ERI2: variants seen among roughly 807,000 people sequenced by gnomAD.
ERI2 encodes ERI1 exoribonuclease 2.
In ERI2, 35 loss-of-function variants were observed where a neutral mutation model predicts 46.8. The observed-to-expected ratio is 0.75, with a 90% CI of 0.57 to 0.99. ERI2 has a LOEUF of 0.99. Ranked by LOEUF, ERI2 falls within the 50% of genes least tolerant of loss-of-function variation. ERI2 has a pLI of 0.00. For missense variants in ERI2, 695 were observed against 796.2 expected, an observed-to-expected ratio of 0.87 and a Z score of 1.53; for synonymous variants, 224 against 271.0, an observed-to-expected ratio of 0.83 and a Z score of 1.70.
chr16:20,801,395 C>A, intron 4 of ERI2, 36 bp from the exon 5 acceptor site: 2 of 1,543,856 alleles, frequency 1.3e-6, no homozygotes, highest in Non-Finnish European at 8.7e-7. Context: ...ATTCAACAAT[C>A]AAATTCCATT....
At position 20,803,500 on chromosome 16, in the gene ERI2, G is replaced by A. The variant is rs772859303; in HGVS notation, c.108C>T (p.Tyr36=). The A allele has an allele frequency of 6.2e-7, 1 of 1,613,924 alleles. No homozygotes were observed. The highest frequency in any genetic ancestry group is 1.7e-5 in the Admixed American group (1 of 60,004). The change falls in exon 3 of 9, where the codon TAC becomes TAT. Residue 36 remains tyrosine (Y), a synonymous_variant. Coordinates refer to ENST00000357967, the MANE Select transcript of ERI2 (RefSeq NM_001142725.2). ...TCGATTCAAAATCAATGACAATTAA[G>A]TAGTCAAACAACTGCTCTGCAAAAG... ...GRSKSKQLFD[Y]LIVIDFESTC... is the part of the protein sequence containing the mutation.
downstream of ERI2, chr16:20,792,026 A>G: frequency 1.9e-6 from 3 of 1,614,072 alleles, no homozygotes; most frequent in Non-Finnish European, 2.5e-6. Flanking sequence ...AACAGCTTCA[A>G]CTCTACGAGG....
At chr16:20,787,845 T>C (rs977529786) in intron 10 of ERI2, among the ~76,000 whole-genome samples, 3 of 152,228 alleles carry the variant, frequency 2.0e-5, no homozygotes, top group Non-Finnish European at 4.4e-5. Flanking sequence ...GACCAACCTG[T>C]CTGTTTGCCT....
chr16:20,794,740 AT>A (rs2080683039), downstream of ERI2, among the ~76,000 whole-genome samples: 1 of 152,218 alleles, frequency 6.6e-6, no homozygotes. Context: ...AATTCATTTA[AT>A]CATCATAATC....
chr16:20,787,826 G>C (rs1376700918), intron 10 of ERI2, among the ~76,000 whole-genome samples: 1 of 152,160 alleles, frequency 6.6e-6, no homozygotes, highest in Non-Finnish European at 1.5e-5. Flanking sequence ...GTAAAGTTGG[G>C]ACTAGAGTGA....
intron 6 of ERI2, 34 bp downstream of exon 6, chr16:20,800,268 A>G (rs761563101): frequency 6.9e-7 from 1 of 1,448,160 alleles, no homozygotes; most frequent in South Asian, 1.2e-5. Flanking sequence ...TTTCCATAGA[A>G]AAAAGTAAAC....
chr16:20,783,309 C>T (rs1413787193), intron 10 of ERI2: 1 of 152,174 alleles, frequency 6.6e-6, no homozygotes, highest in Non-Finnish European at 1.5e-5. Context: ...GGGCCAGGAA[C>T]CCAGGATGAA....
At chr16:20,784,066 A>G (rs1248998771) in intron 10 of ERI2, among the ~76,000 whole-genome samples, 3 of 152,168 alleles carry the variant, frequency 2.0e-5, no homozygotes, top group Admixed American at 6.5e-5. Context: ...TCTAACTCCC[A>G]AAGTGCTGGG....
intron 1 of ERI2, 53 bp downstream of exon 1, chr16:20,806,355 G>A (rs2080872366): frequency 1.9e-6 from 3 of 1,546,064 alleles, no homozygotes; most frequent in Non-Finnish European, 1.7e-6. Flanking sequence ...TGCGGCCAAC[G>A]CCAGCGCTGG....
Position 20,797,189 on chromosome 16 carries a change from T to C in ERI2, c.*535A>G. 7.9e-7 allele frequency: 1 copy of C among 1,269,750 alleles called. No homozygotes were observed. The highest frequency in any genetic ancestry group is 9.9e-7 in the Non-Finnish European group (1 of 1,007,964). The allele number at this position is 1,269,750 out of a possible 1,614,324, so 78.7% of individuals were successfully genotyped here. A position where few individuals can be genotyped will look rare whatever the true frequency, so the allele number is the denominator to read the frequency against. On this transcript the variant is annotated 3_prime_UTR_variant, in exon 9 of 9. Coordinates refer to ENST00000357967, the MANE Select transcript of ERI2 (RefSeq NM_001142725.2). ...TGTCAATGTTCCTATCATTTCTTAA[T>C]ATAAAAATAATACCATCAATTGCTG... is the stretch of plus-strand genomic sequence containing the variant.
rs1040301253 is a variant in ERI2 at position 20,790,921 on chromosome 16, G to T, written c.744C>A (p.Leu248=). The T allele has an allele frequency of 6.2e-7, 1 of 1,614,018 alleles. No homozygotes were observed. Among genetic ancestry groups the T allele is most frequent in the Non-Finnish European group, 8.5e-7 (1 of 1,179,966 alleles). The change falls in exon 9 of 11, where the codon CTC becomes CTA. Residue 248 remains leucine, a synonymous_variant. Coordinates refer to the ERI2 transcript ENST00000300005. This position sits in a 1 kb window ranked among gnomAD's most constrained non-coding sequence, Gnocchi z 4.0. ...CACTGTTCCAGGTCCACGAAGGCAAGAGGAAGGGACCCTAGAAAGAGGACA... is the reference window on the plus strand; with the variant it reads ...CACTGTTCCAGGTCCACGAAGGCAATAGGAAGGGACCCTAGAAAGAGGACA...
At chr16:20,787,232 G>A (rs553004131) in intron 10 of ERI2, among the ~76,000 whole-genome samples, 1 of 152,346 alleles carries the variant, frequency 6.6e-6, no homozygotes, top group Non-Finnish European at 1.5e-5. Context: ...AGTCACAAAT[G>A]CATGGCTGAC....
rs753902420 is a variant in ERI2 at position 20,796,478 on chromosome 16, T to C, written c.*1246A>G. 2 of 1,612,580 alleles carry C rather than the reference T, an allele frequency of 1.2e-6. No homozygotes were observed. The highest frequency in any genetic ancestry group is 2.2e-5 in the East Asian group (1 of 44,868). ...TAAAAAAACTACAGCACCTTACAAA[T>C]ATCCCAGAAAGGTAGGCATCCTAAT... On this transcript the variant is annotated 3_prime_UTR_variant, in exon 9 of 9. Transcript: ENST00000357967.
chr16:20,797,875 G>A lies in ERI2; in HGVS notation c.1925C>T (p.Thr642Ile). 1 of 1,551,568 alleles carries A rather than the reference G, an allele frequency of 6.4e-7. No homozygotes were observed. Among genetic ancestry groups the A allele is most frequent in the Non-Finnish European group, 8.7e-7 (1 of 1,146,912 alleles). The stretch of plus-strand genomic sequence containing the variant: ...GCTGTTGGCTCTTTCCTTTTGAAGT[G>A]TTTGTTCCCATTTGAAATAACCACA... ...KCCGYFKWEQ[T>I]LQKERANSMV... Residue 642 changes from threonine to isoleucine, a missense_variant, in exon 9 of 9, where the codon ACA becomes ATA. Physicochemically the swap from Thr to Ile is moderately conservative, Grantham distance 89. Coordinates refer to ENST00000357967, the MANE Select transcript of ERI2 (RefSeq NM_001142725.2).
chr16:20,796,172 A>G, downstream of ERI2: 1 of 853,920 alleles, frequency 1.2e-6, no homozygotes, highest in Non-Finnish European at 1.7e-6. Flanking sequence ...GGGTTGTTAC[A>G]GGGGTCCCAG....
In ERI2 at chr16:20,800,402, T is replaced by A; in HGVS notation, c.461A>T (p.Asp154Val). 1.3e-6 allele frequency: 2 copies of A among 1,587,690 alleles called. No homozygotes were observed. Among genetic ancestry groups the A allele is most frequent in the Non-Finnish European group, 1.7e-6 (2 of 1,158,880 alleles). The change falls in exon 6 of 9, where the codon GAC (aspartate) becomes GTC (valine). Residue 154 changes from aspartate (D) to valine (V), a missense_variant and splice_region_variant. Coordinates refer to ENST00000357967, the MANE Select transcript of ERI2 (RefSeq NM_001142725.2). ...CTCCAGGCAAACCCCCAAGTCCCAG[T>A]CTGCATTAGGTACATTAAAATAGAA... ...VKLCAFVTWS[D>V]WDLGVCLEYE...
intron 10 of ERI2, among the ~76,000 whole-genome samples, chr16:20,784,347 G>A (rs577536869): frequency 1.2e-4 from 19 of 152,290 alleles, no homozygotes; most frequent in Non-Finnish European, 2.6e-4. Context: ...GGGTACAGCA[G>A]ATTACAGAGT....
In ERI2 at chr16:20,803,596, T is replaced by C; in HGVS notation, c.91+7A>G. ...CAAAATGCAAAGAAACTAAGCATAC[T>C]ACTCACTGGATTTGCTTCTTCCGAG... On this transcript the variant is annotated splice_region_variant and intron_variant, in intron 2 of 8. Coordinates refer to ENST00000357967, the MANE Select transcript of ERI2 (RefSeq NM_001142725.2). 6.2e-7 allele frequency: 1 copy of C among 1,614,178 alleles called. No homozygotes were observed. Among genetic ancestry groups the C allele is most frequent in the South Asian group, 1.1e-5 (1 of 91,070 alleles).
At chr16:20,801,104 A>T (rs1206918575) in intron 5 of ERI2, 99 bp downstream of exon 5, 5 of 1,142,682 alleles carry the variant, frequency 4.4e-6, no homozygotes, top group Non-Finnish European at 5.8e-6. Context: ...GAAGATTAAC[A>T]AACATAATTC....
Sources: gnomAD v4.1 joint callset for allele counts (sites outside exome capture counted in the v4.1 genomes callset) on GRCh38, gnomAD v4.1.1 for gene constraint, Gnocchi (gnomAD v3.1) non-coding constraint, MANE v1.5 for transcripts, NCBI Gene and HGNC (gene_info 2026-07-23, HGNC 2026-07-21) for gene names.